The following LMBRD2 variants were observed in gnomAD, a reference collection of about 807,000 sequenced individuals.
LMBRD2 encodes the protein G protein-coupled receptor-associated protein LMBRD2.
In LMBRD2, 55 loss-of-function variants were observed where a neutral mutation model predicts 94.4. The observed-to-expected ratio is 0.58, with a 90% CI of 0.47 to 0.73. The LOEUF (loss-of-function observed/expected upper bound fraction) is 0.73. LMBRD2 is among the 30% of genes least tolerant of loss of function. The probability of loss-of-function intolerance (pLI) is 0.00; values close to 1 mark genes in which losing one functional copy is unlikely to be tolerated. For missense variants in LMBRD2, 640 were observed against 831.9 expected (o/e 0.77, Z 2.84); for synonymous variants, 246 against 272.4 (o/e 0.90, Z 0.95).
intron 9 of LMBRD2, 91 bp from the exon 10 acceptor site, chr5:36,118,007 T>A: frequency 9.9e-7 from 1 of 1,012,378 alleles, no homozygotes; most frequent in Non-Finnish European, 1.4e-6. Context: ...ATAAGATACT[T>A]AATTACAAAG....
At chr5:36,118,643 T>C (rs1263202491) in intron 9 of LMBRD2, among the ~76,000 whole-genome samples, 1 of 144,762 alleles carries the variant, frequency 6.9e-6, no homozygotes, top group African/African-American at 2.5e-5. Context: ...TTTTGTACTG[T>C]TTTGGTTTTT....
chr5:36,150,392 A>C (rs571682124), intron 1 of LMBRD2, among the ~76,000 whole-genome samples: 1 of 152,364 alleles, frequency 6.6e-6, no homozygotes, highest in Admixed American at 6.5e-5. Context: ...ATTATTTTAC[A>C]TCTCAAAACT....
chr5:36,110,958 G>A lies in LMBRD2; in HGVS notation c.1744+197C>T, dbSNP rs552820656. Among the ~76,000 whole-genome samples, 41 of 152,100 alleles carry A rather than the reference G, an allele frequency of 2.7e-4. No individual in the cohort carries two copies. The South Asian group carries it at 5.2e-3, about 19-fold the overall frequency. On this transcript the variant is annotated intron_variant, in intron 14 of 17. Coordinates refer to ENST00000296603, the MANE Select transcript of LMBRD2 (RefSeq NM_001007527.2). ...TAAGCTTCAGAATTTCTTAAAGACC[G>A]ATAAAACAATTATTCATGTTTTCAA...
chr5:36,104,955 C>T (rs547997310), intron 17 of LMBRD2, 113 bp downstream of exon 17: 1 of 999,136 alleles, frequency 1.0e-6, no homozygotes, highest in African/African-American at 1.6e-5. Flanking sequence ...TTTTCCTTTA[C>T]TTATCACTTG....
intron 13 of LMBRD2, 73 bp downstream of exon 13, chr5:36,114,351 A>G (rs1419545839): frequency 6.8e-7 from 1 of 1,480,114 alleles, no homozygotes; most frequent in Non-Finnish European, 8.9e-7. Context: ...ATCAGTAAAT[A>G]TTTAAAAGAG....
intron 6 of LMBRD2, among the ~76,000 whole-genome samples, chr5:36,135,865 A>G (rs1480388774): frequency 1.3e-5 from 2 of 152,202 alleles, no homozygotes; most frequent in African/African-American, 4.8e-5. Context: ...ACTTACCAAT[A>G]CAAACTCCCA....
intron 17 of LMBRD2, among the ~76,000 whole-genome samples, chr5:36,104,844 C>T (rs540223356): frequency 1.4e-4 from 21 of 151,906 alleles, no homozygotes; most frequent in Non-Finnish European, 2.8e-4. Context: ...ATGAAGATAA[C>T]AATTTTAGTT....
intron 1 of LMBRD2, among the ~76,000 whole-genome samples, chr5:36,148,633 C>T (rs1396531978): frequency 6.6e-6 from 1 of 152,054 alleles, no homozygotes; most frequent in African/African-American, 2.4e-5. Context: ...ACCTCACAAC[C>T]TAGTAAGAAA....
intron 6 of LMBRD2, among the ~76,000 whole-genome samples, chr5:36,135,816 A>G (rs1438708824): frequency 6.6e-6 from 1 of 152,208 alleles, no homozygotes; most frequent in Admixed American, 6.5e-5. Context: ...TCATCAAGTA[A>G]AATGAAGTGT....
At chr5:36,146,846 TG>T (rs1744552737) in intron 1 of LMBRD2, among the ~76,000 whole-genome samples, 1 of 152,218 alleles carries the variant, frequency 6.6e-6, no homozygotes, top group Admixed American at 6.5e-5. Context: ...TTTGATATAC[TG>T]TACATATACA....
At chr5:36,144,895 T>C (rs2111914430) in intron 1 of LMBRD2, among the ~76,000 whole-genome samples, 1 of 152,336 alleles carries the variant, frequency 6.6e-6, no homozygotes, top group Middle Eastern at 3.4e-3. Flanking sequence ...ATTTTTTATA[T>C]TGGTAAACAG....
intron 6 of LMBRD2, among the ~76,000 whole-genome samples, chr5:36,124,979 A>AAAAC (rs1333456697): frequency 6.6e-6 from 1 of 152,160 alleles, no homozygotes; most frequent in East Asian, 1.9e-4. Flanking sequence ...GAATAACTTA[A>AAAAC]AAACAAACAA....
chr5:36,140,416 G>A (rs745722910), intron 4 of LMBRD2, among the ~76,000 whole-genome samples: 28 of 152,156 alleles, frequency 1.8e-4, no homozygotes, highest in African/African-American at 2.9e-4. Context: ...TAAGCCCAGC[G>A]GGCCTGAGTA....
intron 6 of LMBRD2, among the ~76,000 whole-genome samples, chr5:36,134,239 A>G (rs924135912): frequency 2.6e-4 from 39 of 152,144 alleles, no homozygotes; most frequent in African/African-American, 9.2e-4. Flanking sequence ...ATTTAAATCA[A>G]TATTTTCTGC....
rs571801860 is a variant in LMBRD2 at position 36,107,843 on chromosome 5, C to T, written c.1897+691G>A. 2.0e-5 allele frequency among the ~76,000 whole-genome samples: 3 copies of T among 152,272 alleles called. 1 individual carries two copies. In the South Asian group the frequency reaches 6.2e-4, roughly 32 times the overall value. ...TGGGTGAGAGTGCTCAGTTTTTCTC[C>T]TCCATCCTCAGTCTTAAACCCTGTG... On this transcript the variant is annotated intron_variant, in intron 16 of 17. Transcript: ENST00000296603.
chr5:36,142,759 C>G (rs1342618624), intron 2 of LMBRD2, 160 bp from the exon 3 acceptor site: 2 of 461,508 alleles, frequency 4.3e-6, no homozygotes, highest in Non-Finnish European at 7.7e-6. Context: ...GAGTCTCACT[C>G]TGTCGCCCAG....
At chr5:36,147,382 T>TG (rs1744575631) in intron 1 of LMBRD2, among the ~76,000 whole-genome samples, 1 of 152,170 alleles carries the variant, frequency 6.6e-6, no homozygotes, top group African/African-American at 2.4e-5. Flanking sequence ...ATGATGATGA[T>TG]GGTGATACTA....
intron 17 of LMBRD2, among the ~76,000 whole-genome samples, chr5:36,104,623 T>G (rs943325175): frequency 2.6e-5 from 4 of 152,026 alleles, no homozygotes; most frequent in South Asian, 2.1e-4. Flanking sequence ...TCTCTGGATT[T>G]AAATCCAGCT....
At position 36,137,419 on chromosome 5, in the gene LMBRD2, A is replaced by G. The variant is rs1744297872; in HGVS notation, c.391T>C (p.Ser131Pro). Residue 131 changes from serine to proline, a missense_variant, in exon 5 of 18, where the codon TCA (serine) becomes CCA (proline). Physicochemically the swap from Ser to Pro is moderately conservative, Grantham distance 74 (BLOSUM62 -1). This residue lies in a region of LMBRD2 where 457 missense variants were observed against 642.8 expected (regional missense o/e 0.71). Transcript: ENST00000296603. ...LTWILLPFMQ[S>P]YARSGGFSIT... ...GAAAACCCTCCTGATCTTGCATATG[A>G]CTGCATAAAAGGTAAGAGAATCCTA... is the stretch of plus-strand genomic sequence containing the variant. The G allele has an allele frequency of 6.3e-7, 1 of 1,580,192 alleles. No individual in the cohort carries two copies. The highest frequency in any genetic ancestry group is 8.6e-7 in the Non-Finnish European group (1 of 1,159,240).
Sources: allele counts gnomAD v4.1 joint callset (sites outside exome capture counted in the v4.1 genomes callset), GRCh38; gene constraint gnomAD v4.1.1; regional missense constraint gnomAD v4.1.1; transcripts MANE v1.5; gene names NCBI Gene and HGNC (gene_info 2026-07-23, HGNC 2026-07-21).